Variants in HSDL2 observed in about 807,000 individuals in gnomAD.
HSDL2 encodes the protein hydroxysteroid dehydrogenase like 2, also known as hydroxysteroid dehydrogenase-like protein 2.
In HSDL2, 27 loss-of-function variants were observed where a neutral mutation model predicts 46.3. The ratio of observed to expected loss-of-function variants is 0.58; its 90% CI spans 0.43 to 0.80. HSDL2 has a LOEUF of 0.80. HSDL2 is among the 30% of genes least tolerant of loss of function. The probability of loss-of-function intolerance (pLI) is 0.00; values close to 1 mark genes in which losing one functional copy is unlikely to be tolerated. For synonymous variants in HSDL2, 153 were observed against 163.6 expected, an observed-to-expected ratio of 0.94 and a Z score of 0.50; for missense variants, 451 against 502.7, an observed-to-expected ratio of 0.90 and a Z score of 0.98.
chr9:112,441,010 AAAATAAAT>A (rs913720274), intron 7 of HSDL2, among the ~76,000 whole-genome samples: 5 of 151,448 alleles, frequency 3.3e-5, no homozygotes, highest in Non-Finnish European at 5.9e-5. Flanking sequence ...TCCGTCTCAA[AAAATAAAT>A]AAATAAATAA....
chr9:112,407,100 C>T (rs1212840135), intron 3 of HSDL2, among the ~76,000 whole-genome samples: 1 of 152,196 alleles, frequency 6.6e-6, no homozygotes, highest in Non-Finnish European at 1.5e-5. Flanking sequence ...GGAGCTTTGG[C>T]TCAAGTGGAG....
chr9:112,461,136 G>A (rs908099365), intron 10 of HSDL2, among the ~76,000 whole-genome samples: 1 of 151,726 alleles, frequency 6.6e-6, no homozygotes, highest in African/African-American at 2.4e-5. Flanking sequence ...GAGTGCAATG[G>A]TGTTAACCTT....
chr9:112,432,539 T>C (rs1229228503), intron 6 of HSDL2, among the ~76,000 whole-genome samples: 2 of 152,210 alleles, frequency 1.3e-5, no homozygotes, highest in Non-Finnish European at 1.5e-5. Flanking sequence ...GCTTATATAA[T>C]AGGCAGAATG....
intron 9 of HSDL2, 105 bp from the exon 10 acceptor site, chr9:112,459,344 A>C: frequency 7.7e-7 from 1 of 1,291,958 alleles, no homozygotes; most frequent in Non-Finnish European, 1.1e-6. Flanking sequence ...GGGGATTTTA[A>C]CTTGGAAAAC....
intron 8 of HSDL2, among the ~76,000 whole-genome samples, chr9:112,449,095 T>C (rs1474917954): frequency 4.0e-5 from 6 of 151,106 alleles, no homozygotes; most frequent in Non-Finnish European, 7.4e-5. Context: ...TTTTTTTTTT[T>C]TTTTCTTTTA....
At chr9:112,389,014 G>A (rs1218548380) in intron 1 of HSDL2, among the ~76,000 whole-genome samples, 1 of 151,354 alleles carries the variant, frequency 6.6e-6, no homozygotes, top group Non-Finnish European at 1.5e-5. Context: ...AAGCTTTGAT[G>A]TATTCAGATC....
At position 112,438,573 on chromosome 9, in the gene HSDL2, T is replaced by C. The variant is rs1368211186; in HGVS notation, c.741T>C (p.Asn247=). 6 of 1,610,602 alleles carry C rather than the reference T, an allele frequency of 3.7e-6. No individual in the cohort carries two copies. The South Asian group carries it at 5.5e-5, about 15-fold the overall frequency. The change falls in exon 7 of 11, where the codon AAT becomes AAC. Residue 247 remains asparagine (N), a synonymous_variant. Coordinates refer to ENST00000398805, the MANE Select transcript of HSDL2 (RefSeq NM_032303.5). ...CTGGCAACTTTGTCATTGATGAAAA[T>C]ATCTTAAAAGAAGAAGGAATAGAAA... ...SFTGNFVIDE[N]ILKEEGIENF... is the part of the protein sequence containing the mutation.
chr9:112,458,320 C>CTTTTTTTTTTTTTTT (rs202071222), intron 9 of HSDL2, among the ~76,000 whole-genome samples: 1 of 119,592 alleles, frequency 8.4e-6, no homozygotes, highest in Non-Finnish European at 1.8e-5. Context: ...ACCACTTCTT[C>CTTTTTTTTTTTTTTT]TTTTTTTTTT....
intron 8 of HSDL2, among the ~76,000 whole-genome samples, chr9:112,447,303 G>GT (rs1044860307): frequency 4.6e-5 from 7 of 151,462 alleles, no homozygotes; most frequent in African/African-American, 1.7e-4. Context: ...GTCTCCTGAA[G>GT]TTTTTTTTTC....
intron 1 of HSDL2, among the ~76,000 whole-genome samples, chr9:112,401,968 G>A (rs1019234622): frequency 1.3e-5 from 2 of 151,860 alleles, no homozygotes; most frequent in Non-Finnish European, 2.9e-5. Flanking sequence ...TTTTAAAACC[G>A]CTTCCCACTT....
At chr9:112,433,015 T>TCC (rs1427692064) in intron 6 of HSDL2, among the ~76,000 whole-genome samples, 1 of 152,004 alleles carries the variant, frequency 6.6e-6, no homozygotes, top group Non-Finnish European at 1.5e-5. Context: ...CCTCAAGTGA[T>TCC]CCACCCACCT....
chr9:112,417,418 A>G (rs2132641351), intron 5 of HSDL2, among the ~76,000 whole-genome samples: 1 of 149,164 alleles, frequency 6.7e-6, no homozygotes, highest in East Asian at 2.1e-4. Flanking sequence ...TTGAGGCTGC[A>G]GTGAGCTAGG....
intron 7 of HSDL2, among the ~76,000 whole-genome samples, chr9:112,441,171 G>T (rs1033647475): frequency 6.6e-6 from 1 of 152,088 alleles, no homozygotes; most frequent in African/African-American, 2.4e-5. Flanking sequence ...CTGCACTCCA[G>T]CCTGGGTGAC....
chr9:112,397,394 AAGG>A (rs1831481262), intron 1 of HSDL2, among the ~76,000 whole-genome samples: 1 of 152,244 alleles, frequency 6.6e-6, no homozygotes, highest in African/African-American at 2.4e-5. Context: ...CTAACATACA[AAGG>A]AGAATACCTT....
intron 10 of HSDL2, among the ~76,000 whole-genome samples, chr9:112,460,210 C>T (rs1168088468): frequency 6.6e-6 from 1 of 152,232 alleles, no homozygotes; most frequent in African/African-American, 2.4e-5. Context: ...CTAAGCATAA[C>T]ATCCTGATCT....
At chr9:112,464,996 A>G (rs919719356) in intron 10 of HSDL2, among the ~76,000 whole-genome samples, 1 of 152,216 alleles carries the variant, frequency 6.6e-6, no homozygotes, top group Non-Finnish European at 1.5e-5. Context: ...TGAGTCATGT[A>G]ATATGTGATC....
chr9:112,385,169 A>G (rs908394763), intron 1 of HSDL2, among the ~76,000 whole-genome samples: 2 of 152,102 alleles, frequency 1.3e-5, no homozygotes, highest in Non-Finnish European at 2.9e-5. Context: ...TTTGTATGAA[A>G]AAAGGAAGGG....
At chr9:112,425,906 T>TTGTGTG (rs112539767) in intron 6 of HSDL2, among the ~76,000 whole-genome samples, 5 of 151,294 alleles carry the variant, frequency 3.3e-5, no homozygotes, top group African/African-American at 9.7e-5. Flanking sequence ...TTTTCAGTTT[T>TTGTGTG]TGTGTGTATG....
chr9:112,427,974 A>G (rs1203008320), intron 6 of HSDL2, among the ~76,000 whole-genome samples: 1 of 152,214 alleles, frequency 6.6e-6, no homozygotes, highest in East Asian at 1.9e-4. Flanking sequence ...ATTTATGCAA[A>G]GTATTATTAA....
Sources: allele counts gnomAD v4.1 joint callset (sites outside exome capture counted in the v4.1 genomes callset), GRCh38; gene constraint gnomAD v4.1.1; transcripts MANE v1.5; gene names NCBI Gene and HGNC (gene_info 2026-07-23, HGNC 2026-07-21).